The following SAMD3 variants were observed in gnomAD, a reference collection of about 807,000 sequenced individuals.
SAMD3 encodes the protein sterile alpha motif domain-containing protein 3.
Under a neutral mutation model 58.5 loss-of-function variants are expected in SAMD3, and 63 were observed. That is an observed-to-expected ratio of 1.08 (90% confidence interval 0.88 to 1.33). The LOEUF is 1.33. SAMD3 is among the 40% of genes most tolerant of loss of function. The pLI is 0.00. For synonymous variants in SAMD3, 220 were observed against 210.3 expected (o/e 1.05, Z -0.40); for missense variants, 604 against 608.4 (o/e 0.99, Z 0.08).
chr6:130,204,765 C>CTT (rs112982780), intron 5 of SAMD3, among the ~76,000 whole-genome samples: 2 of 126,704 alleles, frequency 1.6e-5, no homozygotes, highest in Non-Finnish European at 3.3e-5. Flanking sequence ...ATTTCCAGGC[C>CTT]TTTTTTTTTT....
chr6:130,218,337 C>G (rs1796091490), intron 1 of SAMD3, among the ~76,000 whole-genome samples: 3 of 152,194 alleles, frequency 2.0e-5, no homozygotes, highest in African/African-American at 7.2e-5. Context: ...GGCTCCACCC[C>G]ATTCTCTCAG....
At chr6:130,218,927 G>T (rs1312011937) in intron 1 of SAMD3, among the ~76,000 whole-genome samples, 2 of 152,178 alleles carry the variant, frequency 1.3e-5, no homozygotes, top group African/African-American at 4.8e-5. Flanking sequence ...GAAAGGCTTA[G>T]AATGTTAAGA....
chr6:130,194,396 T>C (rs1453600517), intron 5 of SAMD3, among the ~76,000 whole-genome samples: 1 of 152,214 alleles, frequency 6.6e-6, no homozygotes, highest in Non-Finnish European at 1.5e-5. Context: ...GCTCCTGACA[T>C]TAAATAAAAC....
chr6:130,362,066 C>T (rs1008137092), intron 1 of SAMD3, among the ~76,000 whole-genome samples: 2 of 152,166 alleles, frequency 1.3e-5, no homozygotes, highest in Non-Finnish European at 2.9e-5. Flanking sequence ...ACCACCATCA[C>T]CAACTGAAAT....
At chr6:130,281,345 C>G (rs1315055037) in intron 2 of SAMD3, among the ~76,000 whole-genome samples, 2 of 152,130 alleles carry the variant, frequency 1.3e-5, no homozygotes, top group Non-Finnish European at 2.9e-5. Context: ...ATTATTTCCT[C>G]TTTATTTACA....
intron 1 of SAMD3, among the ~76,000 whole-genome samples, chr6:130,315,747 T>C (rs996653840): frequency 1.3e-5 from 2 of 152,200 alleles, no homozygotes; most frequent in Non-Finnish European, 1.5e-5. Context: ...GTATTTTTAA[T>C]ATAAAATGAT....
At chr6:130,236,777 T>C (rs1773167225) in intron 2 of SAMD3, among the ~76,000 whole-genome samples, 1 of 152,246 alleles carries the variant, frequency 6.6e-6, no homozygotes, top group Non-Finnish European at 1.5e-5. Context: ...TATTGGTGTT[T>C]TGTCATTTGC....
chr6:130,145,838 T>C (rs1788570885), intron 10 of SAMD3, among the ~76,000 whole-genome samples, 172 bp downstream of exon 10: 1 of 151,908 alleles, frequency 6.6e-6, no homozygotes, highest in African/African-American at 2.4e-5. Context: ...TACTTAAATA[T>C]TGAAAATTAT....
chr6:130,142,843 G>C (rs1788345366), downstream of SAMD3: 1 of 152,128 alleles, frequency 6.6e-6, no homozygotes, highest in South Asian at 2.1e-4. Context: ...GTAAGAACTT[G>C]GTAAGTTTAT....
Position 130,272,768 on chromosome 6 carries a change from A to G in SAMD3, c.-188+40210T>C, listed in dbSNP as rs1315214809. On this transcript the variant is annotated intron_variant, in intron 2 of 13. Coordinates refer to the SAMD3 transcript ENST00000368134. ...TATGTTGCCCAGGCTGGTCTCAAGT[A>G]CTTGGGTTTAAGTGATCCTCCCAGC... Among the ~76,000 whole-genome samples, 3 of 152,204 alleles carry G rather than the reference A, an allele frequency of 2.0e-5. No homozygotes were observed. The East Asian group carries it at 5.8e-4, about 29-fold the overall frequency.
At chr6:130,220,589 T>C (rs977902698) in intron 1 of SAMD3, among the ~76,000 whole-genome samples, 1 of 152,256 alleles carries the variant, frequency 6.6e-6, no homozygotes, top group Non-Finnish European at 1.5e-5. Flanking sequence ...GAAGTCTTGA[T>C]AGTTTGAAGA....
chr6:130,363,871 A>G (rs536380641), intron 1 of SAMD3, among the ~76,000 whole-genome samples: 7 of 152,342 alleles, frequency 4.6e-5, no homozygotes, highest in Non-Finnish European at 7.4e-5. Flanking sequence ...ACTTCTATCC[A>G]TTATTTCCAA....
intron 11 of SAMD3, 141 bp from the exon 12 acceptor site, chr6:130,144,945 GACC>G (rs1562360104): frequency 1.1e-5 from 10 of 875,548 alleles, no homozygotes; most frequent in Non-Finnish European, 1.7e-5. Flanking sequence ...CTTCAAAATA[GACC>G]ACCAACTTTG....
chr6:130,363,979 T>C (rs1384306610), intron 1 of SAMD3, among the ~76,000 whole-genome samples: 2 of 152,170 alleles, frequency 1.3e-5, no homozygotes, highest in East Asian at 3.8e-4. Flanking sequence ...ATAATTTACC[T>C]GAGATTCCCT....
At chr6:130,324,720 T>C (rs1212146845) in intron 1 of SAMD3, among the ~76,000 whole-genome samples, 1 of 152,118 alleles carries the variant, frequency 6.6e-6, no homozygotes, top group African/African-American at 2.4e-5. Flanking sequence ...ATCTGAACAT[T>C]ATCCTTGAAA....
chr6:130,219,767 A>G (rs1245711361), intron 1 of SAMD3, among the ~76,000 whole-genome samples: 4 of 152,202 alleles, frequency 2.6e-5, no homozygotes, highest in African/African-American at 7.2e-5. Context: ...CATTTTTGCA[A>G]TTGAGAATTG....
intron 5 of SAMD3, among the ~76,000 whole-genome samples, chr6:130,192,849 T>A (rs1187018735): frequency 6.6e-6 from 1 of 152,162 alleles, no homozygotes; most frequent in Non-Finnish European, 1.5e-5. Context: ...TCTCACCAAT[T>A]TCAAATCCAG....
In SAMD3 at chr6:130,192,598, T is replaced by G. The variant is rs148249830; in HGVS notation, c.384-7975A>C. On this transcript the variant is annotated intron_variant, in intron 5 of 11. Transcript: ENST00000439090. ...AATCCTATAAAATGGCCCCACCCCA[T>G]CTCCCTTCGCTGACTCTCTTTTTGG... is the stretch of plus-strand genomic sequence containing the variant. 6.6e-3 allele frequency among the ~76,000 whole-genome samples: 985 copies of G among 150,074 alleles called. 11 individuals carry two copies. Among genetic ancestry groups the G allele is most frequent in the African/African-American group, 0.023 (944 of 40,688 alleles).
intron 2 of SAMD3, among the ~76,000 whole-genome samples, chr6:130,304,926 CTTT>C (rs777084920): frequency 0.014 from 1,400 of 103,338 alleles, 118 homozygotes; most frequent in African/African-American, 0.052. Flanking sequence ...CATTTTCTTC[CTTT>C]TTTTTTTTTT....
Sources: gnomAD v4.1 joint callset for allele counts (sites outside exome capture counted in the v4.1 genomes callset) on GRCh38, gnomAD v4.1.1 for gene constraint, MANE v1.5 for transcripts, NCBI Gene and HGNC (gene_info 2026-07-23, HGNC 2026-07-21) for gene names.